The following COL5A2 variants were observed in gnomAD, a reference collection of about 807,000 sequenced individuals.
COL5A2 encodes the protein collagen type V alpha 2 chain.
A neutral mutation model predicts 208.2 loss-of-function variants in COL5A2; 23 were observed. The observed-to-expected ratio is 0.11, with a 90% CI of 0.08 to 0.16. The LOEUF (loss-of-function observed/expected upper bound fraction) is 0.16, where lower values mean the gene tolerates loss of function less well. Among genes scored for constraint, COL5A2 ranks in the 10% least tolerant of loss-of-function variants. COL5A2 has a pLI of 1.00. For missense variants in COL5A2, 1,590 were observed against 1,956.4 expected (o/e 0.81, Z 3.53); for synonymous variants, 625 against 628.5 (o/e 0.99, Z 0.08).
At chr2:189,166,368 C>T (rs963140177) in intron 1 of COL5A2, among the ~76,000 whole-genome samples, 2 of 151,826 alleles carry the variant, frequency 1.3e-5, no homozygotes, top group Non-Finnish European at 1.5e-5. Context: ...AGGAAAGGGA[C>T]ATTATGGGCA....
chr2:189,232,117 G>C, the COL5A2 span, among the ~76,000 whole-genome samples: 4 of 151,686 alleles, frequency 2.6e-5, no homozygotes, highest in African/African-American at 9.7e-5. Context: ...GTAACTCCAA[G>C]GGTTTGAATA....
rs1686197878 is a variant in COL5A2, at chr2:189,068,281, C to T, written c.1258-11G>A. 2 of 1,608,074 alleles carry T rather than the reference C, an allele frequency of 1.2e-6. No individual in the cohort carries two copies. Among genetic ancestry groups the T allele is most frequent in the Non-Finnish European group, 1.7e-6 (2 of 1,175,074 alleles). The stretch of plus-strand genomic sequence containing the variant: ...AGTTCCTATTGCACCCTAAAAGGTA[C>T]ATTAAAAGTATGTAATGAAATATTA... On this transcript the variant is annotated splice_polypyrimidine_tract_variant and intron_variant, in intron 19 of 53. Coordinates refer to ENST00000374866, the MANE Select transcript of COL5A2 (RefSeq NM_000393.5).
intron 1 of COL5A2, among the ~76,000 whole-genome samples, chr2:189,113,981 A>G (rs2105720468): frequency 6.6e-6 from 1 of 152,288 alleles, no homozygotes; most frequent in East Asian, 1.9e-4. Context: ...CTGAAAGTTT[A>G]AGACAACATA....
chr2:189,236,809 CAAAT>C, the COL5A2 span, among the ~76,000 whole-genome samples: 1 of 151,790 alleles, frequency 6.6e-6, no homozygotes, highest in African/African-American at 2.4e-5. Flanking sequence ...AAATACATGA[CAAAT>C]AAACTCCCAC....
the COL5A2 span, among the ~76,000 whole-genome samples, chr2:189,303,005 C>T: frequency 6.6e-6 from 1 of 152,094 alleles, no homozygotes; most frequent in African/African-American, 2.4e-5. Context: ...AAATGGTGTG[C>T]TGAGATTGCC....
At chr2:189,045,346 G>A in intron 46 of COL5A2, 114 bp from the exon 47 acceptor site, 1 of 637,116 alleles carries the variant, frequency 1.6e-6, no homozygotes, top group Non-Finnish European at 2.8e-6. Flanking sequence ...ATATATGTGT[G>A]TGTGTGTGTG....
intron 15 of COL5A2, among the ~76,000 whole-genome samples, chr2:189,078,840 GCATT>G (rs1686471316): frequency 6.6e-6 from 1 of 152,122 alleles, no homozygotes; most frequent in Non-Finnish European, 1.5e-5. Context: ...AAGAATAAGG[GCATT>G]CAACCGTTAA....
the COL5A2 span, among the ~76,000 whole-genome samples, chr2:189,312,674 G>T: frequency 6.6e-6 from 1 of 152,280 alleles, no homozygotes; most frequent in South Asian, 2.1e-4. Flanking sequence ...CCTCCCACAG[G>T]TGTGTTCAGG....
In COL5A2 at chr2:189,034,106, T is replaced by C; in HGVS notation, c.4464A>G (p.Glu1488=). The change falls in exon 54 of 54, where the codon GAA becomes GAG. Residue 1488 remains glutamate (E), a synonymous_variant. Coordinates refer to ENST00000374866, the MANE Select transcript of COL5A2 (RefSeq NM_000393.5). ...AAACTGGCCCAATTTCAACGCCGAA[T>C]TCCTGGTCTGTGCCGCCAACATCCA... ...APVDVGGTDQ[E]FGVEIGPVCF... is the part of the protein sequence containing the mutation. 1 of 1,614,050 alleles carries C rather than the reference T, an allele frequency of 6.2e-7. No homozygotes were observed. Among genetic ancestry groups the C allele is most frequent in the Non-Finnish European group, 8.5e-7 (1 of 1,179,938 alleles).
At chr2:189,314,869 C>G in the COL5A2 span, among the ~76,000 whole-genome samples, 8 of 152,090 alleles carry the variant, frequency 5.3e-5, no homozygotes, top group Non-Finnish European at 1.0e-4. Context: ...CACCCTCCTA[C>G]GACTGAACCA....
chr2:189,388,973 A>T, the COL5A2 span, among the ~76,000 whole-genome samples: 4 of 152,220 alleles, frequency 2.6e-5, no homozygotes, highest in African/African-American at 9.6e-5. Context: ...CCAACATTCT[A>T]TCGCAAGCAA....
At chr2:189,419,834 GAGGAA>G in the COL5A2 span, among the ~76,000 whole-genome samples, 20 of 149,670 alleles carry the variant, frequency 1.3e-4, no homozygotes, top group South Asian at 8.5e-4. Context: ...GAGGAGAGGA[GAGGAA>G]AGGAAAGGAA....
Position 189,058,909 on chromosome 2 carries a change from T to C in COL5A2, c.2086-16A>G. On this transcript the variant is annotated splice_polypyrimidine_tract_variant and intron_variant, in intron 31 of 53. Transcript: ENST00000374866. Reference sequence around the variant, plus strand: ...CAGGAACACCCTATAAACACATTTTTTTTTTTTAATGGAACAAGAGCTTTG... The same window carrying C: ...CAGGAACACCCTATAAACACATTTTCTTTTTTTAATGGAACAAGAGCTTTG... The C allele has an allele frequency of 6.2e-7, 1 of 1,612,558 alleles. No homozygotes were observed. Among genetic ancestry groups the C allele is most frequent in the East Asian group, 2.2e-5 (1 of 44,814 alleles).
At chr2:189,215,374 T>C (rs183290426) in intron 1 of COL5A2, among the ~76,000 whole-genome samples, 436 of 152,314 alleles carry the variant, frequency 2.9e-3, no homozygotes, top group Non-Finnish European at 5.1e-3. Flanking sequence ...GCTAGTCTGA[T>C]TGTATTCTGC....
intron 1 of COL5A2, among the ~76,000 whole-genome samples, chr2:189,177,216 TA>T (rs888247284): frequency 8.5e-5 from 13 of 152,214 alleles, no homozygotes; most frequent in African/African-American, 3.1e-4. Context: ...CTGTTATAGA[TA>T]AAATTTGAAA....
chr2:189,230,851 A>C, the COL5A2 span, among the ~76,000 whole-genome samples: 1 of 151,972 alleles, frequency 6.6e-6, no homozygotes, highest in African/African-American at 2.4e-5. Flanking sequence ...TATTTATCCA[A>C]AACAATGAAA....
intron 1 of COL5A2, among the ~76,000 whole-genome samples, chr2:189,212,765 C>T (rs1202975907): frequency 6.6e-6 from 1 of 151,068 alleles, no homozygotes; most frequent in Admixed American, 6.6e-5. Context: ...AAGGCAAGAC[C>T]AAGATAAATT....
At chr2:189,362,980 C>T in the COL5A2 span, among the ~76,000 whole-genome samples, 1 of 151,728 alleles carries the variant, frequency 6.6e-6, no homozygotes, top group Non-Finnish European at 1.5e-5. Context: ...AGAAGATATG[C>T]ATAAGTTCCT....
chr2:189,243,297 A>C, the COL5A2 span, among the ~76,000 whole-genome samples: 1 of 152,290 alleles, frequency 6.6e-6, no homozygotes, highest in South Asian at 2.1e-4. Context: ...CTAACACTGA[A>C]CTATGGAATT....
Sources: allele counts gnomAD v4.1 joint callset (sites outside exome capture counted in the v4.1 genomes callset), GRCh38; gene constraint gnomAD v4.1.1; transcripts MANE v1.5; gene names NCBI Gene and HGNC (gene_info 2026-07-23, HGNC 2026-07-21).